The following GATAD2A variants were observed in gnomAD, a reference collection of about 807,000 sequenced individuals.
The protein encoded by GATAD2A is transcriptional repressor p66-alpha.
A neutral mutation model predicts 68.5 loss-of-function variants in GATAD2A; 12 were observed. The ratio of observed to expected loss-of-function variants is 0.18; its 90% CI spans 0.11 to 0.28. GATAD2A has a LOEUF of 0.28. Ranked by LOEUF, GATAD2A falls within the 10% of genes least tolerant of loss-of-function variation. GATAD2A has a pLI of 1.00. For missense variants in GATAD2A, 755 were observed against 868.5 expected, an observed-to-expected ratio of 0.87 and a Z score of 1.64; for synonymous variants, 410 against 375.3, an observed-to-expected ratio of 1.09 and a Z score of -1.07.
chr19:19,494,635 G>T (rs1335334306), intron 5 of GATAD2A, among the ~76,000 whole-genome samples: 2 of 152,246 alleles, frequency 1.3e-5, no homozygotes, highest in Non-Finnish European at 2.9e-5. Context: ...ACTGGAAGGG[G>T]GCTTTCCAGT....
intron 1 of GATAD2A, among the ~76,000 whole-genome samples, chr19:19,417,748 A>G (rs2051831876): frequency 6.6e-6 from 1 of 152,206 alleles, no homozygotes; most frequent in Non-Finnish European, 1.5e-5. Flanking sequence ...GGCATGAGCT[A>G]ATATGGCCTT....
At chr19:19,492,534 C>G in intron 3 of GATAD2A, 47 bp from the exon 4 acceptor site, 1 of 1,612,208 alleles carries the variant, frequency 6.2e-7, no homozygotes, top group Non-Finnish European at 8.5e-7. Flanking sequence ...GCCTCTGCTC[C>G]TCACCAAGGA....
Position 19,506,047 on chromosome 19 carries a change from ACGCTGCATCATCC to A in GATAD2A, c.*579_*591del, listed in dbSNP as rs2060852491. 5.0e-6 allele frequency: 2 copies of A among 398,182 alleles called. No homozygotes were observed. The allele number at this position is 398,182 out of a possible 1,614,324, so 24.7% of individuals were successfully genotyped here. A position where few individuals can be genotyped will look rare whatever the true frequency, so the allele number is the denominator to read the frequency against. ...GTGCAGACCCTGGGGTCCCTGTTGTACGCTGCATCATCCCGCTGGCCCTGTGCCCTGGAGGGTG... is the reference window on the plus strand; with the variant it reads ...GTGCAGACCCTGGGGTCCCTGTTGTACGCTGGCCCTGTGCCCTGGAGGGTG... On this transcript the variant is annotated 3_prime_UTR_variant, in exon 12 of 12. Transcript: ENST00000683918.
chr19:19,501,311 G>A lies in GATAD2A; in HGVS notation c.1398G>A (p.Ala466=), dbSNP rs373984667. Residue 466 remains alanine (A), a synonymous_variant, in exon 9 of 12, where the codon GCG becomes GCA. Transcript: ENST00000683918. ...TSRLKAAFVK[A]LQQEQEIEQR... ...GGCTGAAGGCCGCCTTTGTGAAGGC[G>A]CTGCAGCAGGAACAGGAGATTGAGC... 10 of 1,613,034 alleles carry A rather than the reference G, an allele frequency of 6.2e-6. No individual in the cohort carries two copies. The highest frequency in any genetic ancestry group is 4.5e-5 in the East Asian group (2 of 44,874).
intron 1 of GATAD2A, among the ~76,000 whole-genome samples, chr19:19,428,274 G>T (rs1230363269): frequency 6.6e-6 from 1 of 152,240 alleles, no homozygotes; most frequent in Non-Finnish European, 1.5e-5. Context: ...AAGATCTGGG[G>T]TCGATAGGCA....
At chr19:19,415,175 G>A (rs894624896) in intron 1 of GATAD2A, among the ~76,000 whole-genome samples, 4 of 144,144 alleles carry the variant, frequency 2.8e-5, no homozygotes, top group East Asian at 4.1e-4. Context: ...TTTTTTAGAC[G>A]GAGTTTTGCT....
intron 1 of GATAD2A, among the ~76,000 whole-genome samples, chr19:19,443,051 A>G (rs2055294809): frequency 6.6e-6 from 1 of 152,206 alleles, no homozygotes; most frequent in African/African-American, 2.4e-5. Flanking sequence ...GCCGTTTAAC[A>G]TAGCATGACT....
chr19:19,435,200 C>T (rs770497414), intron 1 of GATAD2A: 1 of 493,956 alleles, frequency 2.0e-6, no homozygotes, highest in Admixed American at 2.1e-5. Context: ...GAACATACTC[C>T]TAAGTACCTA....
intron 7 of GATAD2A, among the ~76,000 whole-genome samples, chr19:19,496,665 T>C (rs1013490278): frequency 6.6e-6 from 1 of 152,200 alleles, no homozygotes; most frequent in African/African-American, 2.4e-5. Context: ...TCAGCAAATG[T>C]TCTCATGTCA....
intron 1 of GATAD2A, among the ~76,000 whole-genome samples, chr19:19,458,054 T>G (rs1653919298): frequency 6.6e-6 from 1 of 152,206 alleles, no homozygotes; most frequent in South Asian, 2.1e-4. Context: ...GCCAGCTGAC[T>G]AGGCTGGGGT....
chr19:19,386,786 C>G (rs896076531), intron 1 of GATAD2A, among the ~76,000 whole-genome samples: 20 of 152,156 alleles, frequency 1.3e-4, no homozygotes, highest in Non-Finnish European at 1.5e-5. Flanking sequence ...GAACCCCCAC[C>G]TCTCTGAGGA....
intron 2 of GATAD2A, among the ~76,000 whole-genome samples, chr19:19,480,838 G>C (rs2059008237): frequency 6.6e-6 from 1 of 152,238 alleles, no homozygotes; most frequent in Non-Finnish European, 1.5e-5. Context: ...TGGCTAGGGG[G>C]ACAGGTGCAA....
intron 1 of GATAD2A, among the ~76,000 whole-genome samples, chr19:19,410,528 C>G (rs1045702506): frequency 2.0e-5 from 3 of 152,244 alleles, no homozygotes. Flanking sequence ...CGTCTCAGGA[C>G]CTGGCGCTGC....
intron 1 of GATAD2A, among the ~76,000 whole-genome samples, chr19:19,462,256 G>A (rs2057499522): frequency 6.6e-6 from 1 of 152,182 alleles, no homozygotes; most frequent in African/African-American, 2.4e-5. Flanking sequence ...GGAGGGAGGA[G>A]CCACTCCTTA....
intron 1 of GATAD2A, among the ~76,000 whole-genome samples, chr19:19,425,493 TG>T (rs2147331095): frequency 6.6e-6 from 1 of 152,282 alleles, no homozygotes; most frequent in African/African-American, 2.4e-5. Flanking sequence ...ACCAGATAGT[TG>T]TTTACCCCCT....
intron 1 of GATAD2A, among the ~76,000 whole-genome samples, chr19:19,425,440 G>A (rs921422143): frequency 3.3e-5 from 5 of 152,198 alleles, no homozygotes; most frequent in African/African-American, 1.2e-4. Context: ...ACAGGTGCAT[G>A]TGCAAAGGAG....
intron 1 of GATAD2A, among the ~76,000 whole-genome samples, chr19:19,411,408 C>A (rs1408190838): frequency 6.6e-6 from 1 of 152,174 alleles, no homozygotes; most frequent in Non-Finnish European, 1.5e-5. Flanking sequence ...GTTTGCCGGG[C>A]AGATCTGTCA....
chr19:19,394,296 C>T (rs36045507), intron 1 of GATAD2A, among the ~76,000 whole-genome samples: 2,479 of 152,238 alleles, frequency 0.016, 79 homozygotes, highest in South Asian at 0.085. Flanking sequence ...AAGCCCTTCC[C>T]TTGTTGAAAT....
chr19:19,400,297 C>T (rs549280627), intron 1 of GATAD2A, among the ~76,000 whole-genome samples: 1 of 152,262 alleles, frequency 6.6e-6, no homozygotes, highest in South Asian at 2.1e-4. Flanking sequence ...AAAGAGCCTG[C>T]CTAACTGCAG....
Sources: allele counts gnomAD v4.1 joint callset (sites outside exome capture counted in the v4.1 genomes callset), GRCh38; gene constraint gnomAD v4.1.1; transcripts MANE v1.5; gene names NCBI Gene and HGNC (gene_info 2026-07-23, HGNC 2026-07-21).